The following TSHZ3 variants were observed in gnomAD, a reference collection of about 807,000 sequenced individuals.
TSHZ3 encodes the protein teashirt homolog 3.
A neutral mutation model predicts 64.5 loss-of-function variants in TSHZ3; 10 were observed. That is an observed-to-expected ratio of 0.16 (90% CI 0.10 to 0.26). The LOEUF is 0.26. TSHZ3 is among the 10% of genes least tolerant of loss of function. The probability of loss-of-function intolerance (pLI) is 1.00; values close to 1 mark genes in which losing one functional copy is unlikely to be tolerated. For missense variants in TSHZ3, 1,242 were observed against 1,421.7 expected (o/e 0.87, Z 2.03); for synonymous variants, 608 against 593.1 (o/e 1.03, Z -0.36).
intron 1 of TSHZ3, among the ~76,000 whole-genome samples, chr19:31,322,400 G>A (rs772742204): frequency 2.0e-5 from 3 of 152,140 alleles, no homozygotes; most frequent in Non-Finnish European, 4.4e-5. Context: ...TTACAGGCGT[G>A]AGCCCCCGTG....
intron 1 of TSHZ3, chr19:31,308,450 T>C: frequency 5.1e-6 from 2 of 391,282 alleles, no homozygotes; most frequent in African/African-American, 2.1e-5. Context: ...TCCGGTGTCA[T>C]CGCCAGGGAG....
At chr19:31,214,735 C>T (rs1470263526) in intron 4 of TSHZ3, among the ~76,000 whole-genome samples, 3 of 151,628 alleles carry the variant, frequency 2.0e-5, no homozygotes, top group Non-Finnish European at 4.4e-5. Context: ...GGTGAAACCC[C>T]GTCTCTACTA....
intron 5 of TSHZ3, among the ~76,000 whole-genome samples, chr19:31,195,284 C>T (rs150515206): frequency 1.4e-3 from 213 of 152,050 alleles, no homozygotes; most frequent in African/African-American, 4.6e-3. Flanking sequence ...GAAATTACAC[C>T]TAGGCATATA....
intron 3 of TSHZ3, among the ~76,000 whole-genome samples, chr19:31,235,332 CCAA>C (rs1343437526): frequency 3.9e-5 from 6 of 152,136 alleles, no homozygotes; most frequent in Non-Finnish European, 7.3e-5. Context: ...TGGGCTGTGA[CCAA>C]CATTTCCCCA....
At chr19:31,199,461 A>G (rs1227501297) in intron 5 of TSHZ3, among the ~76,000 whole-genome samples, 1 of 151,334 alleles carries the variant, frequency 6.6e-6, no homozygotes, top group Non-Finnish European at 1.5e-5. Context: ...TTGATAAAGT[A>G]CCAAAGACCA....
At chr19:31,228,794 G>C (rs1200919264) in intron 3 of TSHZ3, among the ~76,000 whole-genome samples, 1 of 152,082 alleles carries the variant, frequency 6.6e-6, no homozygotes, top group Non-Finnish European at 1.5e-5. Flanking sequence ...ATTGTACATG[G>C]GTCAGTGACT....
intron 1 of TSHZ3, among the ~76,000 whole-genome samples, chr19:31,285,361 T>C (rs1321544289): frequency 1.3e-5 from 2 of 151,556 alleles, no homozygotes; most frequent in Admixed American, 1.3e-4. Context: ...GTGCCTGTAG[T>C]CCCAACTACT....
intron 1 of TSHZ3, among the ~76,000 whole-genome samples, chr19:31,254,274 G>C (rs1975879176): frequency 6.6e-6 from 1 of 152,208 alleles, no homozygotes; most frequent in Non-Finnish European, 1.5e-5. Flanking sequence ...TAGGGATGCT[G>C]GGTACCCTGG....
chr19:31,230,854 C>T (rs974766429), intron 3 of TSHZ3, among the ~76,000 whole-genome samples: 7 of 151,750 alleles, frequency 4.6e-5, no homozygotes, highest in Non-Finnish European at 7.4e-5. Context: ...CTCCTGCCAC[C>T]ACGCGCGGCT....
chr19:31,169,303 A>G (rs1599557719), intron 5 of TSHZ3, among the ~76,000 whole-genome samples: 1 of 152,360 alleles, frequency 6.6e-6, no homozygotes, highest in East Asian at 1.9e-4. Flanking sequence ...TGAAGAATTG[A>G]AGAGATACTT....
rs1368223165 is a variant in TSHZ3 at position 31,263,340 on chromosome 19, G to T, written n.64-20465C>A. ...AAATGGCAGGGGGTGGGGAGTGTGG[G>T]CACTGGATGAGAATCCTATGAAGCT... On this transcript the variant is annotated intron_variant and non_coding_transcript_variant, in intron 1 of 6. Transcript: ENST00000651361. Among the ~76,000 whole-genome samples, 5 of 152,300 alleles carry T rather than the reference G, an allele frequency of 3.3e-5. No individual in the cohort carries two copies. The East Asian group carries it at 9.7e-4, about 29-fold the overall frequency.
intron 1 of TSHZ3, among the ~76,000 whole-genome samples, chr19:31,297,640 A>G: frequency 6.6e-6 from 1 of 151,782 alleles, no homozygotes; most frequent in East Asian, 1.9e-4. Flanking sequence ...GATTTTTAAT[A>G]TTTTTTTTGT....
chr19:31,156,706 A>AT (rs374997917), intron 5 of TSHZ3, among the ~76,000 whole-genome samples: 21 of 151,682 alleles, frequency 1.4e-4, no homozygotes, highest in African/African-American at 3.1e-4. Flanking sequence ...TGGTTCATGG[A>AT]TTTTTTTTTC....
intron 1 of TSHZ3, among the ~76,000 whole-genome samples, chr19:31,328,106 A>G (rs1463894411): frequency 6.6e-6 from 1 of 152,240 alleles, no homozygotes; most frequent in Non-Finnish European, 1.5e-5. Flanking sequence ...CAAAACATCA[A>G]GAATAATTAA....
At chr19:31,237,492 AT>A (rs1975633974) in intron 3 of TSHZ3, among the ~76,000 whole-genome samples, 1 of 151,522 alleles carries the variant, frequency 6.6e-6, no homozygotes. Context: ...TGTTTTCTTT[AT>A]TTTTTCATTA....
intron 5 of TSHZ3, among the ~76,000 whole-genome samples, chr19:31,171,585 G>A (rs1242935389): frequency 6.6e-6 from 1 of 150,912 alleles, no homozygotes; most frequent in African/African-American, 2.5e-5. Flanking sequence ...GACAGGGAGG[G>A]TGAATTTCTA....
chr19:31,328,093 G>T (rs1916980123), intron 1 of TSHZ3, among the ~76,000 whole-genome samples: 1 of 152,166 alleles, frequency 6.6e-6, no homozygotes, highest in Non-Finnish European at 1.5e-5. Context: ...ATGGTATAAT[G>T]GGCAAAACAT....
At chr19:31,324,695 C>T (rs975747240) in intron 1 of TSHZ3, among the ~76,000 whole-genome samples, 16 of 152,346 alleles carry the variant, frequency 1.1e-4, no homozygotes, top group African/African-American at 3.8e-4. Flanking sequence ...ACTACCATTG[C>T]TTCTAAAACA....
At chr19:31,269,742 AC>A (rs36000007) in intron 1 of TSHZ3, among the ~76,000 whole-genome samples, 1 of 151,888 alleles carries the variant, frequency 6.6e-6, no homozygotes, top group African/African-American at 2.4e-5. Context: ...TAAAAACTTA[AC>A]CCCCCCAAAT....
Sources: allele counts gnomAD v4.1 joint callset (sites outside exome capture counted in the v4.1 genomes callset), GRCh38; gene constraint gnomAD v4.1.1; transcripts MANE v1.5; gene names NCBI Gene and HGNC (gene_info 2026-07-23, HGNC 2026-07-21).